Variants in ZNF704 observed in about 807,000 individuals in gnomAD.
ZNF704 encodes the protein zinc finger protein 704, also known as glucocorticoid induced gene 1.
ZNF704 carries 10 observed loss-of-function variants against 44.7 expected under a neutral mutation model. The ratio of observed to expected loss-of-function variants is 0.22; its 90% CI spans 0.14 to 0.38. The LOEUF is 0.38. Among genes scored for constraint, ZNF704 ranks in the 10% least tolerant of loss-of-function variants. The probability of loss-of-function intolerance (pLI) is 1.00; values close to 1 mark genes in which losing one functional copy is unlikely to be tolerated. For missense variants in ZNF704, 390 were observed against 545.5 expected, an observed-to-expected ratio of 0.71 and a Z score of 2.84; for synonymous variants, 211 against 207.6, an observed-to-expected ratio of 1.02 and a Z score of -0.14.
At chr8:80,804,920 G>A (rs140619237) in intron 2 of ZNF704, among the ~76,000 whole-genome samples, 7 of 152,202 alleles carry the variant, frequency 4.6e-5, no homozygotes, top group Admixed American at 1.3e-4. Flanking sequence ...ATAGATTGGT[G>A]GGGTGAGGGA....
intron 2 of ZNF704, among the ~76,000 whole-genome samples, chr8:80,720,552 T>C (rs1563530584): frequency 6.6e-6 from 1 of 152,218 alleles, no homozygotes; most frequent in Non-Finnish European, 1.5e-5. Context: ...TGGCTAACTA[T>C]CTGGGTAAGG....
intron 2 of ZNF704, among the ~76,000 whole-genome samples, chr8:80,746,037 G>C (rs556925792): frequency 6.6e-6 from 1 of 152,304 alleles, no homozygotes; most frequent in African/African-American, 2.4e-5. Context: ...TTGTAAAATG[G>C]AACAATCACT....
chr8:80,757,782 T>C (rs1807061580), intron 2 of ZNF704, among the ~76,000 whole-genome samples: 1 of 152,220 alleles, frequency 6.6e-6, no homozygotes, highest in Non-Finnish European at 1.5e-5. Flanking sequence ...GTGTTACAAT[T>C]GCCTGCAGTA....
intron 2 of ZNF704, among the ~76,000 whole-genome samples, chr8:80,713,664 A>G (rs1819028305): frequency 6.6e-6 from 1 of 152,240 alleles, no homozygotes; most frequent in Non-Finnish European, 1.5e-5. Flanking sequence ...TGAGCAAGAT[A>G]ACTTCAAATG....
At chr8:80,801,991 A>T (rs992604072) in intron 2 of ZNF704, among the ~76,000 whole-genome samples, 5 of 152,138 alleles carry the variant, frequency 3.3e-5, no homozygotes, top group Admixed American at 1.3e-4. Flanking sequence ...GATAACAGGG[A>T]TATCAACACT....
At chr8:80,716,479 T>C (rs911557928) in intron 2 of ZNF704, among the ~76,000 whole-genome samples, 2 of 152,232 alleles carry the variant, frequency 1.3e-5, no homozygotes, top group African/African-American at 4.8e-5. Flanking sequence ...TCCCAAGACA[T>C]CTCTTAGCCT....
chr8:80,744,987 T>TA (rs1806821318), intron 2 of ZNF704, among the ~76,000 whole-genome samples: 2 of 152,178 alleles, frequency 1.3e-5, no homozygotes, highest in Admixed American at 6.5e-5. Flanking sequence ...AACTGTACTT[T>TA]AAAAAATCTG....
intron 1 of ZNF704, among the ~76,000 whole-genome samples, chr8:80,824,257 G>A (rs1410161106): frequency 6.6e-6 from 1 of 152,164 alleles, no homozygotes; most frequent in Non-Finnish European, 1.5e-5. Context: ...TGAAAACCAT[G>A]GCACGAGAAC....
chr8:80,687,142 G>A, intron 4 of ZNF704, 84 bp downstream of exon 4: 1 of 1,214,300 alleles, frequency 8.2e-7, no homozygotes, highest in Non-Finnish European at 1.2e-6. Context: ...TAGGTCCAAG[G>A]TTAAGCTCAC....
At chr8:80,674,149 G>A (rs534059801) in intron 4 of ZNF704, among the ~76,000 whole-genome samples, 6 of 152,268 alleles carry the variant, frequency 3.9e-5, no homozygotes, top group South Asian at 2.1e-4. Context: ...CCAAGGAGAC[G>A]GTTCACAAAT....
intron 1 of ZNF704, among the ~76,000 whole-genome samples, chr8:80,836,548 C>T (rs904837549): frequency 6.6e-6 from 1 of 152,090 alleles, no homozygotes; most frequent in South Asian, 2.1e-4. Context: ...GAGGCTGAGG[C>T]AGGTGGATCA....
intron 2 of ZNF704, among the ~76,000 whole-genome samples, chr8:80,808,407 C>G (rs1808026258): frequency 6.6e-6 from 1 of 152,158 alleles, no homozygotes; most frequent in African/African-American, 2.4e-5. Flanking sequence ...AAGTGCATCT[C>G]TTTTTAGGTT....
intron 2 of ZNF704, among the ~76,000 whole-genome samples, chr8:80,782,143 G>A (rs181416510): frequency 1.7e-4 from 26 of 152,214 alleles, no homozygotes; most frequent in Admixed American, 7.9e-4. Context: ...TTGAGTTAGC[G>A]CAGCTGGGAT....
chr8:80,826,604 G>A (rs7845009), intron 1 of ZNF704, among the ~76,000 whole-genome samples: 28 of 151,992 alleles, frequency 1.8e-4, no homozygotes, highest in African/African-American at 6.0e-4. Flanking sequence ...TACCAAAGCC[G>A]GGCAGAGACA....
chr8:80,779,479 C>CTTA, intron 2 of ZNF704, among the ~76,000 whole-genome samples: 1 of 151,780 alleles, frequency 6.6e-6, no homozygotes, highest in East Asian at 1.9e-4. Context: ...GAAGATGAGG[C>CTTA]TCATCTTATT....
chr8:80,741,768 T>C (rs1401429907), intron 2 of ZNF704, among the ~76,000 whole-genome samples: 1 of 152,182 alleles, frequency 6.6e-6, no homozygotes, highest in African/African-American at 2.4e-5. Context: ...GAGGTTCCCT[T>C]GACTGATCCC....
chr8:80,775,811 A>G (rs2129680932), intron 2 of ZNF704, among the ~76,000 whole-genome samples: 1 of 152,326 alleles, frequency 6.6e-6, no homozygotes, highest in East Asian at 1.9e-4. Context: ...GCTCCAATAT[A>G]AAACACTGCC....
At chr8:80,780,343 G>C (rs1173607132) in intron 2 of ZNF704, among the ~76,000 whole-genome samples, 1 of 152,190 alleles carries the variant, frequency 6.6e-6, no homozygotes, top group Admixed American at 6.5e-5. Flanking sequence ...GGCAGAAAGA[G>C]ATCAGAATGG....
intron 7 of ZNF704, among the ~76,000 whole-genome samples, chr8:80,657,857 G>A (rs1818040818): frequency 1.3e-5 from 2 of 152,048 alleles, no homozygotes; most frequent in African/African-American, 4.8e-5. Flanking sequence ...TGTCTAGAAT[G>A]TCCCAGGTAA....
Sources: gnomAD v4.1 joint callset for allele counts (sites outside exome capture counted in the v4.1 genomes callset) on GRCh38, gnomAD v4.1.1 for gene constraint, MANE v1.5 for transcripts, NCBI Gene and HGNC (gene_info 2026-07-23, HGNC 2026-07-21) for gene names.